ADAMTS12: variants seen among roughly 807,000 people sequenced by gnomAD.
ADAMTS12 encodes ADAM metallopeptidase with thrombospondin type 1 motif 12.
Under a neutral mutation model 167.8 loss-of-function variants are expected in ADAMTS12, and 118 were observed. That is an observed-to-expected ratio of 0.70 (90% CI 0.61 to 0.82). The LOEUF (loss-of-function observed/expected upper bound fraction) is 0.82, where lower values mean the gene tolerates loss of function less well. ADAMTS12 is among the 40% of genes least tolerant of loss of function. The pLI, the probability that ADAMTS12 is intolerant of heterozygous loss-of-function variation, is 0.00. For synonymous variants in ADAMTS12, 704 were observed against 716.9 expected (o/e 0.98, Z 0.29); for missense variants, 1,916 against 1,998.8 (o/e 0.96, Z 0.79).
At chr5:33,804,930 A>G (rs543731459) in intron 2 of ADAMTS12, among the ~76,000 whole-genome samples, 2 of 152,314 alleles carry the variant, frequency 1.3e-5, no homozygotes, top group East Asian at 3.9e-4. Context: ...TGTGAAAGTC[A>G]ATGGGGATCA....
chr5:33,688,233 G>A (rs539082985), intron 3 of ADAMTS12, among the ~76,000 whole-genome samples: 4 of 152,182 alleles, frequency 2.6e-5, no homozygotes, highest in Admixed American at 6.5e-5. Context: ...TTTTCCATTC[G>A]ATGACTTTTT....
intron 2 of ADAMTS12, among the ~76,000 whole-genome samples, chr5:33,824,713 C>T (rs1561292113): frequency 6.6e-6 from 1 of 152,164 alleles, no homozygotes; most frequent in Non-Finnish European, 1.5e-5. Flanking sequence ...GACAGTGTTG[C>T]AGCAGAGACT....
chr5:33,709,037 T>C (rs957991271), intron 3 of ADAMTS12, among the ~76,000 whole-genome samples: 1 of 149,934 alleles, frequency 6.7e-6, no homozygotes, highest in African/African-American at 2.5e-5. Flanking sequence ...TAAGAAGAAA[T>C]TGGGCAAAGA....
intron 23 of ADAMTS12, among the ~76,000 whole-genome samples, chr5:33,531,441 G>A (rs1302828138): frequency 6.6e-6 from 1 of 152,164 alleles, no homozygotes; most frequent in African/African-American, 2.4e-5. Context: ...TATACCATTT[G>A]ATTGTCGCAG....
chr5:33,872,419 C>T (rs1431714933), intron 2 of ADAMTS12, among the ~76,000 whole-genome samples: 5 of 151,974 alleles, frequency 3.3e-5, no homozygotes, highest in Non-Finnish European at 5.9e-5. Context: ...TGGTGGCACA[C>T]CCCTGTAGTC....
intron 2 of ADAMTS12, among the ~76,000 whole-genome samples, chr5:33,789,778 C>A (rs1296868317): frequency 6.6e-6 from 1 of 152,090 alleles, no homozygotes; most frequent in Non-Finnish European, 1.5e-5. Context: ...GGGGAAAGTC[C>A]ATTTCCCCAC....
chr5:33,824,692 G>C lies in ADAMTS12; in HGVS notation c.489+56427C>G, dbSNP rs1486821284. ...TCAGTTCAGGAGTACAAGTGAGGAA[G>C]AAAGGCTCGTGACAGTGTTGCAGCA... On this transcript the variant is annotated intron_variant, in intron 2 of 23. Transcript: ENST00000504830. Among the ~76,000 whole-genome samples, 4 of 152,298 alleles carry C rather than the reference G, an allele frequency of 2.6e-5. No homozygotes were observed. The South Asian group carries it at 8.3e-4, about 32-fold the overall frequency.
At chr5:33,571,658 A>G (rs2111938540) in intron 19 of ADAMTS12, among the ~76,000 whole-genome samples, 1 of 151,544 alleles carries the variant, frequency 6.6e-6, no homozygotes, top group South Asian at 2.1e-4. Context: ...AAGATCCAAA[A>G]TTGACACCCT....
At chr5:33,556,689 G>C (rs111449895) in intron 20 of ADAMTS12, among the ~76,000 whole-genome samples, 4 of 152,314 alleles carry the variant, frequency 2.6e-5, no homozygotes, top group African/African-American at 9.6e-5. Flanking sequence ...ACTGCACCAA[G>C]AGAAAGAGAG....
chr5:33,723,235 G>C, intron 3 of ADAMTS12, among the ~76,000 whole-genome samples: 1 of 152,160 alleles, frequency 6.6e-6, no homozygotes, highest in East Asian at 1.9e-4. Context: ...GTTTTGAGAA[G>C]CGAACTCCAT....
chr5:33,837,648 G>A (rs2111579259), intron 2 of ADAMTS12, among the ~76,000 whole-genome samples: 1 of 152,256 alleles, frequency 6.6e-6, no homozygotes, highest in Admixed American at 6.5e-5. Flanking sequence ...TCTTTTGGTT[G>A]GTCCTTCTTG....
At chr5:33,787,878 C>A (rs192660611) in intron 2 of ADAMTS12, among the ~76,000 whole-genome samples, 1 of 149,286 alleles carries the variant, frequency 6.7e-6, no homozygotes, top group South Asian at 2.1e-4. Flanking sequence ...CGTGACTCTT[C>A]CACACATTTA....
At chr5:33,578,976 A>T (rs1746906751) in intron 18 of ADAMTS12, among the ~76,000 whole-genome samples, 1 of 152,242 alleles carries the variant, frequency 6.6e-6, no homozygotes, top group Non-Finnish European at 1.5e-5. Flanking sequence ...ATGATGCTTA[A>T]TGCACAATCA....
intron 2 of ADAMTS12, among the ~76,000 whole-genome samples, chr5:33,865,148 A>G (rs1156804499): frequency 6.6e-6 from 1 of 152,052 alleles, no homozygotes; most frequent in Non-Finnish European, 1.5e-5. Flanking sequence ...TGATACCAAA[A>G]CCAGGAAAGG....
chr5:33,692,109 C>T (rs1742568816), intron 3 of ADAMTS12, among the ~76,000 whole-genome samples: 1 of 152,164 alleles, frequency 6.6e-6, no homozygotes, highest in Non-Finnish European at 1.5e-5. Context: ...TTGTTCTTCC[C>T]CTCTTCCTCC....
chr5:33,668,645 G>A (rs1254729553), intron 5 of ADAMTS12, among the ~76,000 whole-genome samples: 2 of 152,106 alleles, frequency 1.3e-5, no homozygotes, highest in African/African-American at 4.8e-5. Context: ...ACCACATCCG[G>A]CTACTTTTTC....
intron 2 of ADAMTS12, among the ~76,000 whole-genome samples, chr5:33,879,997 T>C (rs1301449299): frequency 1.3e-5 from 2 of 152,192 alleles, no homozygotes; most frequent in Non-Finnish European, 2.9e-5. Flanking sequence ...ATAACCACTT[T>C]CGAGACTCTG....
At chr5:33,882,321 A>C (rs1454206784) in intron 1 of ADAMTS12, among the ~76,000 whole-genome samples, 1 of 152,192 alleles carries the variant, frequency 6.6e-6, no homozygotes, top group Admixed American at 6.5e-5. Flanking sequence ...GGGTTTTAAA[A>C]AAGTGTTTAC....
At chr5:33,572,779 T>C (rs1309824458) in intron 19 of ADAMTS12, among the ~76,000 whole-genome samples, 1 of 147,358 alleles carries the variant, frequency 6.8e-6, no homozygotes, top group Non-Finnish European at 1.5e-5. Context: ...AAACAAAGGG[T>C]ATTCAATTAG....
Sources: gnomAD v4.1 joint callset for allele counts (sites outside exome capture counted in the v4.1 genomes callset) on GRCh38, gnomAD v4.1.1 for gene constraint, MANE v1.5 for transcripts, NCBI Gene and HGNC (gene_info 2026-07-23, HGNC 2026-07-21) for gene names.